MACROD2: variants seen among roughly 807,000 people sequenced by gnomAD.
The protein encoded by MACROD2 is ADP-ribose glycohydrolase MACROD2.
MACROD2 carries 36 observed loss-of-function variants against 70.4 expected under a neutral mutation model. That is an observed-to-expected ratio of 0.51 (90% confidence interval 0.39 to 0.68). MACROD2 has a LOEUF of 0.68. Ranked by LOEUF, MACROD2 falls within the 30% of genes least tolerant of loss-of-function variation. MACROD2 has a pLI of 0.00. For synonymous variants in MACROD2, 172 were observed against 178.8 expected, an observed-to-expected ratio of 0.96 and a Z score of 0.30; for missense variants, 496 against 538.4, an observed-to-expected ratio of 0.92 and a Z score of 0.78.
intron 2 of MACROD2, among the ~76,000 whole-genome samples, chr20:14,073,447 G>T (rs998974954): frequency 6.6e-5 from 10 of 151,940 alleles, no homozygotes; most frequent in Non-Finnish European, 1.3e-4. Flanking sequence ...AGGCAATAAA[G>T]AATACTGAAA....
chr20:14,103,096 T>A (rs2054320453), intron 3 of MACROD2, among the ~76,000 whole-genome samples: 1 of 150,254 alleles, frequency 6.7e-6, no homozygotes, highest in Non-Finnish European at 1.5e-5. Context: ...CTGATCTATA[T>A]TTTTTTTTTC....
chr20:14,070,085 A>T (rs2053818035), intron 2 of MACROD2, among the ~76,000 whole-genome samples: 1 of 152,126 alleles, frequency 6.6e-6, no homozygotes, highest in Admixed American at 6.5e-5. Flanking sequence ...CCACAAGCTA[A>T]TGAGCAATAT....
At chr20:15,517,657 A>T (rs1030039609) in intron 8 of MACROD2, among the ~76,000 whole-genome samples, 3 of 152,212 alleles carry the variant, frequency 2.0e-5, no homozygotes, top group Non-Finnish European at 1.5e-5. Context: ...GGTATGCCAG[A>T]CAGCAATCAG....
chr20:15,699,543 T>A (rs1320797954), intron 8 of MACROD2, among the ~76,000 whole-genome samples: 1 of 152,142 alleles, frequency 6.6e-6, no homozygotes. Context: ...GTTTTTGTGC[T>A]GGTTGGCCTC....
chr20:15,720,516 C>G (rs916322261), intron 8 of MACROD2, among the ~76,000 whole-genome samples: 1 of 152,218 alleles, frequency 6.6e-6, no homozygotes, highest in Non-Finnish European at 1.5e-5. Flanking sequence ...GAACCAACCG[C>G]TGCATCTTTA....
chr20:15,876,115 G>GTGTATGTA (rs1568611948), intron 9 of MACROD2, among the ~76,000 whole-genome samples: 1 of 139,038 alleles, frequency 7.2e-6, no homozygotes, highest in Non-Finnish European at 1.5e-5. Flanking sequence ...ATATATATGT[G>GTGTATGTA]TGTATTTTTT....
At chr20:15,878,482 G>T (rs1159630148) in intron 9 of MACROD2, among the ~76,000 whole-genome samples, 1 of 152,118 alleles carries the variant, frequency 6.6e-6, no homozygotes, top group Non-Finnish European at 1.5e-5. Flanking sequence ...TGATAGTGGT[G>T]CTGCTGGTCC....
At chr20:14,661,356 G>T (rs573037636) in intron 4 of MACROD2, among the ~76,000 whole-genome samples, 3 of 152,026 alleles carry the variant, frequency 2.0e-5, no homozygotes, top group Non-Finnish European at 4.4e-5. Flanking sequence ...CTCCTTTTCA[G>T]AACTGTCTGT....
At chr20:14,212,085 A>T (rs2081576049) in intron 3 of MACROD2, among the ~76,000 whole-genome samples, 1 of 152,194 alleles carries the variant, frequency 6.6e-6, no homozygotes, top group Admixed American at 6.5e-5. Context: ...CACCTGAAAC[A>T]CATCTTGCTT....
At chr20:14,531,429 A>G (rs1007532858) in intron 4 of MACROD2, among the ~76,000 whole-genome samples, 1 of 152,158 alleles carries the variant, frequency 6.6e-6, no homozygotes, top group African/African-American at 2.4e-5. Context: ...AAGCAAAGGG[A>G]TGCCTGGAGT....
At chr20:14,338,139 C>T (rs2082970906) in intron 3 of MACROD2, among the ~76,000 whole-genome samples, 1 of 152,166 alleles carries the variant, frequency 6.6e-6, no homozygotes, top group Non-Finnish European at 1.5e-5. Context: ...TGGTGGCTCA[C>T]GCCTCTAATT....
chr20:15,388,284 G>A (rs1337051834), intron 6 of MACROD2, among the ~76,000 whole-genome samples: 1 of 152,020 alleles, frequency 6.6e-6, no homozygotes, highest in Non-Finnish European at 1.5e-5. Context: ...GTAATACAGA[G>A]AGAAAAACAC....
intron 5 of MACROD2, among the ~76,000 whole-genome samples, chr20:15,097,302 A>G (rs550955505): frequency 1.3e-5 from 2 of 152,318 alleles, no homozygotes; most frequent in South Asian, 2.1e-4. Flanking sequence ...GTCATGGAGT[A>G]TGTATAGTAA....
At chr20:15,078,066 T>G (rs987452831) in intron 5 of MACROD2, among the ~76,000 whole-genome samples, 7 of 152,166 alleles carry the variant, frequency 4.6e-5, no homozygotes, top group Admixed American at 1.3e-4. Context: ...TTCAGAAAAC[T>G]AATTATGGAA....
At chr20:15,995,498 C>T (rs546876200) in intron 15 of MACROD2, among the ~76,000 whole-genome samples, 11 of 150,974 alleles carry the variant, frequency 7.3e-5, no homozygotes, top group Middle Eastern at 3.4e-3. Context: ...TACAGGCGCC[C>T]GCCACCGTGC....
intron 4 of MACROD2, among the ~76,000 whole-genome samples, chr20:14,585,123 G>C (rs976712879): frequency 6.6e-6 from 1 of 152,160 alleles, no homozygotes; most frequent in Non-Finnish European, 1.5e-5. Context: ...CCCAGTTGTG[G>C]CTGGGGTAAG....
chr20:14,558,632 A>G (rs1979215707), intron 4 of MACROD2, among the ~76,000 whole-genome samples: 1 of 151,810 alleles, frequency 6.6e-6, no homozygotes, highest in South Asian at 2.1e-4. Context: ...TATCAGGAAA[A>G]CATAACTATT....
chr20:14,818,093 G>A (rs187889195), intron 5 of MACROD2, among the ~76,000 whole-genome samples: 12 of 152,188 alleles, frequency 7.9e-5, no homozygotes, highest in Admixed American at 2.0e-4. Context: ...GGATCATTTC[G>A]TAGTTGTGTA....
chr20:15,924,799 GA>G (rs1045242161), intron 10 of MACROD2, among the ~76,000 whole-genome samples: 70 of 151,964 alleles, frequency 4.6e-4, no homozygotes, highest in Admixed American at 7.9e-4. Flanking sequence ...AAAAAGCAAA[GA>G]AAAAAAATGT....
Sources: gnomAD v4.1 joint callset for allele counts (sites outside exome capture counted in the v4.1 genomes callset) on GRCh38, gnomAD v4.1.1 for gene constraint, MANE v1.5 for transcripts, NCBI Gene and HGNC (gene_info 2026-07-23, HGNC 2026-07-21) for gene names.